TXNRD1: variants seen among roughly 807,000 people sequenced by gnomAD.
TXNRD1 encodes the protein thioredoxin reductase 1, cytoplasmic.
TXNRD1 carries 57 observed loss-of-function variants against 80.3 expected under a neutral mutation model. The observed-to-expected ratio is 0.71, with a 90% CI of 0.57 to 0.89. The LOEUF is 0.89. Among genes scored for constraint, TXNRD1 ranks in the 40% least tolerant of loss-of-function variants. The pLI, the probability that TXNRD1 is intolerant of heterozygous loss-of-function variation, is 0.00. For missense variants in TXNRD1, 730 were observed against 803.0 expected (o/e 0.91, Z 1.10); for synonymous variants, 291 against 285.2 (o/e 1.02, Z -0.20).
At chr12:104,338,803 GC>G (rs2036228506) in intron 15 of TXNRD1, among the ~76,000 whole-genome samples, 1 of 151,748 alleles carries the variant, frequency 6.6e-6, no homozygotes, top group Non-Finnish European at 1.5e-5. Context: ...TGCAAGCTCT[GC>G]CTCCTGGGTT....
chr12:104,253,349 T>TAGGA (rs951830760), intron 2 of TXNRD1, among the ~76,000 whole-genome samples: 27 of 151,778 alleles, frequency 1.8e-4, no homozygotes, highest in African/African-American at 6.3e-4. Context: ...GCCTTTCATG[T>TAGGA]AGGACATCAT....
At chr12:104,292,753 G>A (rs1202852806) in intron 4 of TXNRD1, among the ~76,000 whole-genome samples, 1 of 152,118 alleles carries the variant, frequency 6.6e-6, no homozygotes, top group Admixed American at 6.6e-5. Context: ...TAGGATAAAT[G>A]TCAAGTTTGA....
intron 16 of TXNRD1, among the ~76,000 whole-genome samples, chr12:104,343,313 G>A (rs1461403509): frequency 2.6e-5 from 4 of 152,164 alleles, no homozygotes; most frequent in African/African-American, 9.7e-5. Context: ...GCACCACATT[G>A]TGCAGCTGAT....
At chr12:104,304,202 G>T (rs751696886) in intron 4 of TXNRD1, 3 of 1,614,056 alleles carry the variant, frequency 1.9e-6, no homozygotes, top group Non-Finnish European at 2.5e-6. Context: ...AGCCCTCGAC[G>T]CCCGGTTTCT....
rs112014885 is a variant in TXNRD1 at position 104,241,693 on chromosome 12, T to TTTTATTTA, written c.92-9814_92-9807dup. Among the ~76,000 whole-genome samples the TTTTATTTA allele has an allele frequency of 1.3e-3, 203 of 151,384 alleles. 1 individual carries two copies. Among genetic ancestry groups the TTTTATTTA allele is most frequent in the African/African-American group, 4.2e-3 (175 of 41,356 alleles). ...AGTCTGATTTCTTTTTAAATTTTAC[T>TTTTATTTA]TTTATTTATTTATTTATTTATTTAT... On this transcript the variant is annotated intron_variant, in intron 1 of 16. Coordinates refer to ENST00000525566, the MANE Select transcript of TXNRD1 (RefSeq NM_001093771.3).
intron 1 of TXNRD1, among the ~76,000 whole-genome samples, chr12:104,218,620 C>CT (rs1158355830): frequency 1.1e-3 from 92 of 83,044 alleles, no homozygotes; most frequent in African/African-American, 2.9e-3. Flanking sequence ...TTTTTCTTTT[C>CT]TTTCTTTTTT....
chr12:104,272,395 G>A (rs929527119), intron 3 of TXNRD1, among the ~76,000 whole-genome samples: 2 of 152,178 alleles, frequency 1.3e-5, no homozygotes, highest in South Asian at 2.1e-4. Context: ...GAGTCAGGGT[G>A]GGGTAGGTAA....
chr12:104,255,454 T>G (rs942463989), intron 2 of TXNRD1, among the ~76,000 whole-genome samples: 1 of 152,160 alleles, frequency 6.6e-6, no homozygotes, highest in African/African-American at 2.4e-5. Context: ...AGCCTGGGAA[T>G]GAAGAACTTT....
chr12:104,313,306 G>C lies in TXNRD1; in HGVS notation c.599G>C (p.Gly200Ala), dbSNP rs1292246536. The change falls in exon 6 of 17, where the codon GGA becomes GCA. Residue 200 changes from glycine (G) to alanine (A), a missense_variant. Coordinates refer to ENST00000525566, the MANE Select transcript of TXNRD1 (RefSeq NM_001093771.3). ...VLDFVTPTPL[G>A]TRWGLGGTCV... ...GACTTTGTCACTCCCACCCCTCTTG[G>C]AACTAGATGGGGTAAGCTTTTAAGA... 6.3e-7 allele frequency: 1 copy of C among 1,587,250 alleles called. No individual in the cohort carries two copies. The highest frequency in any genetic ancestry group is 8.6e-7 in the Non-Finnish European group (1 of 1,165,074).
intron 2 of TXNRD1, among the ~76,000 whole-genome samples, chr12:104,252,076 A>G (rs2033130789): frequency 6.6e-6 from 1 of 151,964 alleles, no homozygotes; most frequent in East Asian, 1.9e-4. Context: ...AAAAAAAAAA[A>G]AAAAAAGGAA....
intron 3 of TXNRD1, among the ~76,000 whole-genome samples, chr12:104,278,693 G>A (rs2033815691): frequency 6.8e-6 from 1 of 147,336 alleles, no homozygotes; most frequent in African/African-American, 2.5e-5. Context: ...AGTAGAGACA[G>A]GGTTTCACCA....
At chr12:104,295,301 C>T (rs891722413) in intron 4 of TXNRD1, among the ~76,000 whole-genome samples, 1 of 152,178 alleles carries the variant, frequency 6.6e-6, no homozygotes. Flanking sequence ...CTCCTGTTTA[C>T]TCACCAGCGC....
Position 104,262,230 on chromosome 12 carries a change from A to AT in TXNRD1, c.304+4153dup, listed in dbSNP as rs1216217453. Reference sequence around the variant, plus strand: ...CTGGGCAACAAGAGCAAGACTCTGTATTAAAAAAAAAAAAAAAAAAAAAAA... The same window carrying AT: ...CTGGGCAACAAGAGCAAGACTCTGTATTTAAAAAAAAAAAAAAAAAAAAAAA... On this transcript the variant is annotated intron_variant, in intron 3 of 16. Transcript: ENST00000525566. 422 of 115,952 alleles carry AT rather than the reference A, an allele frequency of 3.6e-3. 3 individuals carry two copies. Among genetic ancestry groups the AT allele is most frequent in the African/African-American group, 0.015 (389 of 25,614 alleles). 7.2% of individuals were successfully genotyped at this position (115,952 alleles called of 1,614,324 possible).
At chr12:104,255,227 TAG>T (rs2033223150) in intron 2 of TXNRD1, among the ~76,000 whole-genome samples, 2 of 152,204 alleles carry the variant, frequency 1.3e-5, no homozygotes, top group South Asian at 4.1e-4. Context: ...CTACTAGTGG[TAG>T]ATAGTCAGTA....
At chr12:104,229,399 T>G (rs1439370254) in intron 1 of TXNRD1, among the ~76,000 whole-genome samples, 4 of 151,802 alleles carry the variant, frequency 2.6e-5, no homozygotes, top group Non-Finnish European at 5.9e-5. Context: ...TTGCCTGCCT[T>G]GGCCTATTCT....
chr12:104,222,708 C>T (rs1371403165), intron 1 of TXNRD1, among the ~76,000 whole-genome samples: 1 of 152,098 alleles, frequency 6.6e-6, no homozygotes, highest in Admixed American at 6.6e-5. Context: ...CAAAAATTAG[C>T]CAGGTGGTGG....
chr12:104,291,196 CTTTTTT>C (rs35069007), intron 4 of TXNRD1: 250 of 136,188 alleles, frequency 1.8e-3, no homozygotes, highest in East Asian at 4.2e-3. Context: ...TACTTTGTGT[CTTTTTT>C]TTTTTTTTTT....
At chr12:104,280,516 T>C (rs2033855780) in intron 3 of TXNRD1, 1 of 152,174 alleles carries the variant, frequency 6.6e-6, no homozygotes. Context: ...TTTCATCTAG[T>C]CCCATGGAGT....
chr12:104,279,205 A>G (rs1338126335), intron 3 of TXNRD1, among the ~76,000 whole-genome samples: 1 of 152,242 alleles, frequency 6.6e-6, no homozygotes, highest in East Asian at 1.9e-4. Context: ...ATCACCACAG[A>G]AAGTCCTCTT....
Sources: gnomAD v4.1 joint callset for allele counts (sites outside exome capture counted in the v4.1 genomes callset) on GRCh38, gnomAD v4.1.1 for gene constraint, MANE v1.5 for transcripts, NCBI Gene and HGNC (gene_info 2026-07-23, HGNC 2026-07-21) for gene names.